The following RGS16 variants were observed in gnomAD, a reference collection of about 807,000 sequenced individuals.
RGS16 encodes hRGS-r.
In RGS16, 12 loss-of-function variants were observed where a neutral mutation model predicts 18.1. That is an observed-to-expected ratio of 0.66 (90% CI 0.42 to 1.07). RGS16 has a LOEUF of 1.07. Ranked by LOEUF, RGS16 falls within the 50% of genes least tolerant of loss-of-function variation. RGS16 has a pLI of 0.00. For synonymous variants in RGS16, 88 were observed against 102.0 expected (o/e 0.86, Z 0.83); for missense variants, 238 against 249.2 (o/e 0.95, Z 0.30).
rs772921873 is a variant in RGS16 at position 182,601,970 on chromosome 1, T to C, written c.383A>G (p.Lys128Arg). The C allele has an allele frequency of 1.2e-6, 2 of 1,614,108 alleles. No homozygotes were observed. The highest frequency in any genetic ancestry group is 2.2e-5 in the South Asian group (2 of 91,074). Residue 128 changes from lysine to arginine, a missense_variant, in exon 4 of 5, where the codon AAA (lysine) becomes AGA (arginine). Lys to Arg is a conservative substitution (Grantham distance 26). Transcript: ENST00000367558. ...FEEFICSEAP[K>R]EVNIDHETHE... ...TGGGCATATGGGGGCTCTAACCTCT[T>C]TAGGGGCCTCACTGCAAATGAACTC...
chr1:182,601,982 C>T lies in RGS16; in HGVS notation c.371G>A (p.Ser124Asn), dbSNP rs569649727. ...AHQIFEEFIC[S>N]EAPKEVNIDH... ...GGCTCTAACCTCTTTAGGGGCCTCA[C>T]TGCAAATGAACTCCTCAAAGATCTG... The change falls in exon 4 of 5, where the codon AGT (serine) becomes AAT (asparagine). Residue 124 changes from serine (S) to asparagine (N), a missense_variant. Ser to Asn is a conservative substitution (Grantham distance 46, BLOSUM62 1). Coordinates refer to ENST00000367558, the MANE Select transcript of RGS16 (RefSeq NM_002928.4). 6.2e-7 allele frequency: 1 copy of T among 1,614,174 alleles called. No individual in the cohort carries two copies. The highest frequency in any genetic ancestry group is 8.5e-7 in the Non-Finnish European group (1 of 1,180,038).
At position 182,600,492 on chromosome 1, in the gene RGS16, G is replaced by C. The variant is rs140444624; in HGVS notation, c.409C>G (p.His137Asp). ...PKEVNIDHET[H>D]ELTRMNLQTA... ...TGCAGGTTCATCCTCGTCAGCTCGTGGGTCTCATGGTCAATGTTGACCTGC... is the reference window on the plus strand; with the variant it reads ...TGCAGGTTCATCCTCGTCAGCTCGTCGGTCTCATGGTCAATGTTGACCTGC... Residue 137 changes from histidine (H) to aspartate (D), a missense_variant, in exon 5 of 5, where the codon CAC becomes GAC. His to Asp is a moderately conservative substitution (Grantham distance 81, BLOSUM62 -1). Transcript: ENST00000367558. 5.0e-6 allele frequency: 8 copies of C among 1,613,720 alleles called. No individual in the cohort carries two copies. Among genetic ancestry groups the C allele is most frequent in the Non-Finnish European group, 6.8e-6 (8 of 1,179,848 alleles).
intron 4 of RGS16, 45 bp downstream of exon 4, chr1:182,601,921 G>A: frequency 6.2e-7 from 1 of 1,608,498 alleles, no homozygotes; most frequent in Non-Finnish European, 8.5e-7. Context: ...AGGGGAAGGA[G>A]CAGGCAGGGT....
At chr1:182,600,649 T>C in intron 4 of RGS16, 136 bp from the exon 5 acceptor site, 1 of 690,402 alleles carries the variant, frequency 1.4e-6, no homozygotes, top group Non-Finnish European at 2.6e-6. Context: ...AGTTGATCAC[T>C]AGCTTTTCAG....
Position 182,600,309 on chromosome 1 carries a change from C to T in RGS16, c.592G>A (p.Glu198Lys), listed in dbSNP as rs752545772. Residue 198 changes from glutamate (E) to lysine (K), a missense_variant, in exon 5 of 5, where the codon GAG becomes AAG. Transcript: ENST00000367558. ...SATLSSCSLD[E>K]PSHT ...GTGGAGACTCAGGTGTGTGAGGGCT[C>T]GTCCAGGCTGCAGCTGGACAGAGTG... is the stretch of plus-strand genomic sequence containing the variant. The T allele has an allele frequency of 7.4e-6, 12 of 1,613,766 alleles. No individual in the cohort carries two copies. The highest frequency in any genetic ancestry group is 1.3e-5 in the African/African-American group (1 of 74,930).
chr1:182,602,002 G>C lies in RGS16; in HGVS notation c.351C>G (p.Ile117Met), dbSNP rs570894590. 17 of 1,614,178 alleles carry C rather than the reference G, an allele frequency of 1.1e-5. No individual in the cohort carries two copies. The South Asian group carries it at 1.8e-4, about 17-fold the overall frequency. Reference protein sequence around the residue: ...ATKLASRAHQIFEEFICSEAP... With the variant: ...ATKLASRAHQMFEEFICSEAP... ...CCTCACTGCAAATGAACTCCTCAAA[G>C]ATCTGGTGTGCCCTGGAGGCCAGCT... is the stretch of plus-strand genomic sequence containing the variant. Residue 117 changes from isoleucine to methionine, a missense_variant, in exon 4 of 5, where the codon ATC becomes ATG. Physicochemically the swap from Ile to Met is conservative, Grantham distance 10. Transcript: ENST00000367558.
intron 2 of RGS16, 93 bp from the exon 3 acceptor site, chr1:182,602,577 C>T: frequency 9.7e-7 from 1 of 1,026,180 alleles, no homozygotes; most frequent in Non-Finnish European, 1.5e-6. Context: ...TGGAAAACTG[C>T]ATAAAATTCA....
intron 4 of RGS16, among the ~76,000 whole-genome samples, chr1:182,601,049 G>A (rs1051156420): frequency 6.6e-6 from 1 of 152,212 alleles, no homozygotes; most frequent in Non-Finnish European, 1.5e-5. Flanking sequence ...CTCTTGCCCT[G>A]CTCTACACAG....
Position 182,602,039 on chromosome 1 carries a change from C to T in RGS16, c.314G>A (p.Arg105Gln). Residue 105 changes from arginine (R) to glutamine (Q), a missense_variant, in exon 4 of 5, where the codon CGA (arginine) becomes CAA (glutamine). Transcript: ENST00000367558. ...WLACEEFKKI[R>Q]SATKLASRAH... ...CCTGGAGGCCAGCTTGGTAGCTGAT[C>T]GGATCTTCTTGAACTCCTCACAGGC... The T allele has an allele frequency of 1.9e-6, 3 of 1,614,136 alleles. No individual in the cohort carries two copies. Among genetic ancestry groups the T allele is most frequent in the East Asian group, 2.2e-5 (1 of 44,878 alleles).
In RGS16 at chr1:182,599,515, C is replaced by G. The variant is rs1661823355; in HGVS notation, c.*777G>C. 1.3e-5 allele frequency: 2 copies of G among 152,706 alleles called. No individual in the cohort carries two copies. Among genetic ancestry groups the G allele is most frequent in the Non-Finnish European group, 2.9e-5 (2 of 68,130 alleles). 9.5% of individuals were successfully genotyped at this position (152,706 alleles called of 1,614,324 possible). A position where few individuals can be genotyped will look rare whatever the true frequency, so the allele number is the denominator to read the frequency against. On this transcript the variant is annotated 3_prime_UTR_variant, in exon 5 of 5. Transcript: ENST00000367558. The stretch of plus-strand genomic sequence containing the variant: ...AGAGGCCCCAGGGCGGGCCTGCTCA[C>G]AGGTGGACCCTGCTGCAACGCAGGG...
At chr1:182,600,556 G>T in intron 4 of RGS16, 43 bp from the exon 5 acceptor site, 1 of 1,576,264 alleles carries the variant, frequency 6.3e-7, no homozygotes, top group South Asian at 1.1e-5. Flanking sequence ...GGGGAAGAGG[G>T]TGGGCATGGC....
chr1:182,601,940 T>TTCAC (rs1328545779), intron 4 of RGS16, 26 bp downstream of exon 4: 12 of 1,613,632 alleles, frequency 7.4e-6, no homozygotes, highest in Middle Eastern at 1.7e-4. Context: ...GTCGTGAGGA[T>TTCAC]TCACTGGGCA....
rs763824190 is a variant in RGS16, at chr1:182,600,379, C to G, written c.522G>C (p.Ser174=). Residue 174 remains serine (S), a synonymous_variant, in exon 5 of 5, where the codon TCG becomes TCC. Coordinates refer to ENST00000367558, the MANE Select transcript of RGS16 (RefSeq NM_002928.4). ...EKDSYPRFLK[S]PAYRDLAAQA... Reference sequence around the variant, plus strand: ...GGGCAGCCAGGTCCCGGTAAGCAGGCGACTTCAGGAAGCGTGGGTAGGAGT... The same window carrying G: ...GGGCAGCCAGGTCCCGGTAAGCAGGGGACTTCAGGAAGCGTGGGTAGGAGT... 6.2e-7 allele frequency: 1 copy of G among 1,613,938 alleles called. No individual in the cohort carries two copies. Among genetic ancestry groups the G allele is most frequent in the Non-Finnish European group, 8.5e-7 (1 of 1,179,968 alleles).
At chr1:182,602,602 TG>T in intron 2 of RGS16, 118 bp from the exon 3 acceptor site, 1 of 840,674 alleles carries the variant, frequency 1.2e-6, no homozygotes. Context: ...AAGGCTTGCT[TG>T]GTGATTGCTG....
At position 182,599,758 on chromosome 1, in the gene RGS16, T is replaced by C. The variant is rs1302063998; in HGVS notation, c.*534A>G. ...TTACGAGGTACAAGCTAAGGGACTCTGGGCTAGCCCAGAGGCCAGTGAGGA... is the reference window on the plus strand; with the variant it reads ...TTACGAGGTACAAGCTAAGGGACTCCGGGCTAGCCCAGAGGCCAGTGAGGA... On this transcript the variant is annotated 3_prime_UTR_variant, in exon 5 of 5. Coordinates refer to ENST00000367558, the MANE Select transcript of RGS16 (RefSeq NM_002928.4). 1.2e-5 allele frequency: 2 copies of C among 161,334 alleles called. No individual in the cohort carries two copies. The highest frequency in any genetic ancestry group is 3.6e-4 in the East Asian group (2 of 5,532). 10.0% of individuals were successfully genotyped at this position (161,334 alleles called of 1,614,324 possible). A position where few individuals can be genotyped will look rare whatever the true frequency, so the allele number is the denominator to read the frequency against.
intron 3 of RGS16, 23 bp downstream of exon 3, chr1:182,602,396 CA>C (rs1661880552): frequency 1.2e-6 from 2 of 1,608,616 alleles, no homozygotes; most frequent in African/African-American, 1.3e-5. Flanking sequence ...CACCCAGAGA[CA>C]GACACAAAAG....
Position 182,604,228 on chromosome 1 carries a change from G to A in RGS16, c.32C>T (p.Thr11Ile), listed in dbSNP as rs1335271808. 3 of 1,551,964 alleles carry A rather than the reference G, an allele frequency of 1.9e-6. No individual in the cohort carries two copies. The highest frequency in any genetic ancestry group is 2.6e-6 in the Non-Finnish European group (3 of 1,147,116). MCRTLAAFPT[T>I]CLERAKEFKT... is the part of the protein sequence containing the mutation. ...AACCTCCCCTTACCTCTCCAGGCAG[G>A]TGGTGGGGAAGGCGGCCAGGGTGCG... The change falls in exon 1 of 5, where the codon ACC becomes ATC. Residue 11 changes from threonine to isoleucine, a missense_variant. Thr to Ile is a moderately conservative substitution (Grantham distance 89, BLOSUM62 -1). Coordinates refer to ENST00000367558, the MANE Select transcript of RGS16 (RefSeq NM_002928.4).
rs1274591199 is a variant in RGS16 at position 182,600,374 on chromosome 1, G to T, written c.527C>A (p.Ala176Asp). Reference sequence around the variant, plus strand: ...GGCTTGGGCAGCCAGGTCCCGGTAAGCAGGCGACTTCAGGAAGCGTGGGTA... The same window carrying T: ...GGCTTGGGCAGCCAGGTCCCGGTAATCAGGCGACTTCAGGAAGCGTGGGTA... ...DSYPRFLKSP[A>D]YRDLAAQASA... is the part of the protein sequence containing the mutation. The change falls in exon 5 of 5, where the codon GCT becomes GAT. Residue 176 changes from alanine to aspartate, a missense_variant. Ala to Asp is a moderately radical substitution (Grantham distance 126, BLOSUM62 -2). Coordinates refer to ENST00000367558, the MANE Select transcript of RGS16 (RefSeq NM_002928.4). 6.2e-7 allele frequency: 1 copy of T among 1,614,040 alleles called. No homozygotes were observed. The highest frequency in any genetic ancestry group is 8.5e-7 in the Non-Finnish European group (1 of 1,179,996).
At chr1:182,601,572 G>A (rs1030450422) in intron 4 of RGS16, among the ~76,000 whole-genome samples, 1 of 152,214 alleles carries the variant, frequency 6.6e-6, no homozygotes, top group Non-Finnish European at 1.5e-5. Context: ...AGAGAAGGTA[G>A]ACAAAAAAAT....
Sources: gnomAD v4.1 joint callset for allele counts (sites outside exome capture counted in the v4.1 genomes callset) on GRCh38, gnomAD v4.1.1 for gene constraint, MANE v1.5 for transcripts, NCBI Gene and HGNC (gene_info 2026-07-23, HGNC 2026-07-21) for gene names.